Variants in RBFOX3 observed in about 807,000 individuals in gnomAD.
The protein encoded by RBFOX3 is RNA binding fox-1 homolog 3.
Under a neutral mutation model 48.7 loss-of-function variants are expected in RBFOX3, and 17 were observed. That is an observed-to-expected ratio of 0.35 (90% confidence interval 0.24 to 0.52). The LOEUF (loss-of-function observed/expected upper bound fraction) is 0.52, where lower values mean the gene tolerates loss of function less well. Among genes scored for constraint, RBFOX3 ranks in the 20% least tolerant of loss-of-function variants. RBFOX3 has a pLI of 0.94. For synonymous variants in RBFOX3, 212 were observed against 209.5 expected, an observed-to-expected ratio of 1.01 and a Z score of -0.10; for missense variants, 382 against 497.5, an observed-to-expected ratio of 0.77 and a Z score of 2.21.
In RBFOX3 at chr17:79,249,934, C is replaced by G. The variant is rs894598958; in HGVS notation, c.-73-14129G>C. On this transcript the variant is annotated intron_variant, in intron 3 of 14. Transcript: ENST00000693108. This position sits in a 1 kb window ranked among gnomAD's most constrained non-coding sequence, Gnocchi z 4.1. ...ATCCCCACCAGCCTCACCATCCTAG[C>G]TGCACCTGCCGGCATCCCTGGCATC... 3.3e-5 allele frequency among the ~76,000 whole-genome samples: 5 copies of G among 152,224 alleles called. No individual in the cohort carries two copies. Among genetic ancestry groups the G allele is most frequent in the Non-Finnish European group, 5.9e-5 (4 of 68,034 alleles).
In RBFOX3 at chr17:79,392,799, G is replaced by A. The variant is rs947732822; in HGVS notation, c.-174-84975C>T. On this transcript the variant is annotated intron_variant, in intron 2 of 14. Coordinates refer to ENST00000693108, the MANE Select transcript of RBFOX3 (RefSeq NM_001350451.2). This position sits in a 1 kb window ranked among gnomAD's most constrained non-coding sequence, Gnocchi z 5.0. Reference sequence around the variant, plus strand: ...CAACCCGCAATTGCTACAGATCTCTGATGTGGGGTTGTTTGTTACTGAGCA... The same window carrying A: ...CAACCCGCAATTGCTACAGATCTCTAATGTGGGGTTGTTTGTTACTGAGCA... Among the ~76,000 whole-genome samples the A allele has an allele frequency of 3.3e-5, 5 of 152,222 alleles. No individual in the cohort carries two copies. The highest frequency in any genetic ancestry group is 1.2e-4 in the African/African-American group (5 of 41,458).
chr17:79,502,094 T>TATA, intron 1 of RBFOX3, among the ~76,000 whole-genome samples: 1 of 151,844 alleles, frequency 6.6e-6, no homozygotes, highest in Non-Finnish European at 1.5e-5. Context: ...TGAGCCTTGA[T>TATA]ATAAGCCTCA....
chr17:79,094,566 TGGGGGAGG>T, intron 13 of RBFOX3, 37 bp from the exon 14 acceptor site: 1 of 20,246 alleles, frequency 4.9e-5, no homozygotes, highest in South Asian at 7.6e-4. Context: ...GGGAGGAGGG[TGGGGGAGG>T]GGGGCAGGTG....
At position 79,097,303 on chromosome 17, in the gene RBFOX3, C is replaced by T. The variant is rs1376131384; in HGVS notation, c.744G>A (p.Pro248=). 2 of 1,542,746 alleles carry T rather than the reference C, an allele frequency of 1.3e-6. No individual in the cohort carries two copies. Among genetic ancestry groups the T allele is most frequent in the Admixed American group, 2.0e-5 (1 of 50,452 alleles). ...GCCCAGGTACTCACGCTCCGTAAGT[C>T]GGGATGGGGGGTGGGGGTGGCGCAG... The part of the protein sequence containing the change: ...FRAAPPPPPI[P]TYGAALEQTL... The change falls in exon 11 of 15, where the codon CCG becomes CCA. Residue 248 remains proline (P), a synonymous_variant. Coordinates refer to ENST00000693108, the MANE Select transcript of RBFOX3 (RefSeq NM_001350451.2).
rs2056119857 is a variant in RBFOX3 at position 79,198,391 on chromosome 17, A to C, written c.-34+37375T>G. Among the ~76,000 whole-genome samples, 1 of 152,172 alleles carries C rather than the reference A, an allele frequency of 6.6e-6. No individual in the cohort carries two copies. Among genetic ancestry groups the C allele is most frequent in the South Asian group, 2.1e-4 (1 of 4,826 alleles). ...TGTCTTTCCAGCTCTCACGGGACTC[A>C]GTGCTAAGGTGACAGTGGAACGCTG... On this transcript the variant is annotated intron_variant, in intron 4 of 14. Transcript: ENST00000693108. This position sits in a 1 kb window ranked among gnomAD's most constrained non-coding sequence, Gnocchi z 8.2.
At chr17:79,469,824 G>A (rs887859519) in intron 2 of RBFOX3, among the ~76,000 whole-genome samples, 107 of 152,328 alleles carry the variant, frequency 7.0e-4, no homozygotes, top group Admixed American at 1.4e-3. Context: ...GGGAGAGCTC[G>A]CATGGGGGAG....
chr17:79,463,126 C>T (rs1375528514), intron 2 of RBFOX3, among the ~76,000 whole-genome samples: 2 of 150,978 alleles, frequency 1.3e-5, no homozygotes, highest in Non-Finnish European at 3.0e-5. Context: ...CTGCCATCGC[C>T]ACCGCCACTG....
At chr17:79,475,224 C>T (rs909748706) in intron 2 of RBFOX3, among the ~76,000 whole-genome samples, 4 of 152,258 alleles carry the variant, frequency 2.6e-5, no homozygotes, top group East Asian at 1.9e-4. Context: ...GGTCTGTGGA[C>T]GGCCTTCTGA....
At chr17:79,365,955 G>A (rs986941379) in intron 2 of RBFOX3, among the ~76,000 whole-genome samples, 13 of 152,220 alleles carry the variant, frequency 8.5e-5, no homozygotes, top group African/African-American at 3.1e-4. Context: ...CGCCATCAGC[G>A]TCATGACCAC....
chr17:79,290,481 T>C (rs764914486), intron 3 of RBFOX3, among the ~76,000 whole-genome samples: 2 of 151,990 alleles, frequency 1.3e-5, no homozygotes, highest in Non-Finnish European at 1.5e-5. Flanking sequence ...ACAGCCTATG[T>C]GTGGCTCTTC....
chr17:79,433,864 G>T (rs2068917295), intron 2 of RBFOX3, among the ~76,000 whole-genome samples: 1 of 152,234 alleles, frequency 6.6e-6, no homozygotes, highest in Non-Finnish European at 1.5e-5. Context: ...GGTCGCAAAA[G>T]TTTCATCGGT....
chr17:79,589,140 G>A (rs2093345058), intron 1 of RBFOX3, among the ~76,000 whole-genome samples: 2 of 152,336 alleles, frequency 1.3e-5, no homozygotes, highest in South Asian at 4.1e-4. Flanking sequence ...CTGGGAGGGG[G>A]CATTAGAGCT....
In RBFOX3 at chr17:79,337,122, A is replaced by G. The variant is rs560336254; in HGVS notation, c.-174-29298T>C. Among the ~76,000 whole-genome samples, 94 of 152,258 alleles carry G rather than the reference A, an allele frequency of 6.2e-4. 1 individual carries two copies. The highest frequency in any genetic ancestry group is 2.2e-3 in the African/African-American group (91 of 41,554). On this transcript the variant is annotated intron_variant, in intron 2 of 14. Transcript: ENST00000693108. ...AACAGAGAGAGACTCCATCTCAAAA[A>G]ATAAAAAAGGTGAGTGCTCTTATTT...
chr17:79,453,509 C>T (rs2073935747), intron 2 of RBFOX3, among the ~76,000 whole-genome samples: 1 of 152,196 alleles, frequency 6.6e-6, no homozygotes, highest in Admixed American at 6.5e-5. Context: ...GCAGGGATGT[C>T]ACCCAGAGTC....
intron 2 of RBFOX3, among the ~76,000 whole-genome samples, chr17:79,308,868 C>T (rs540965572): frequency 6.6e-6 from 1 of 152,150 alleles, no homozygotes; most frequent in East Asian, 1.9e-4. Context: ...CCTGTAATCC[C>T]AGCACTTTGG....
intron 1 of RBFOX3, among the ~76,000 whole-genome samples, chr17:79,582,344 A>ATG (rs1186117054): frequency 2.6e-5 from 4 of 151,846 alleles, no homozygotes; most frequent in Admixed American, 1.3e-4. Context: ...CCCTACATGT[A>ATG]TGTGTGTGTG....
At position 79,367,218 on chromosome 17, in the gene RBFOX3, CTCTCCCTCCTCCCCTCCCCT is replaced by C. The variant is rs562175765; in HGVS notation, c.-174-59414_-174-59395del. 1.6e-4 allele frequency among the ~76,000 whole-genome samples: 24 copies of C among 151,146 alleles called. No individual in the cohort carries two copies. In the South Asian group the frequency reaches 4.7e-3, roughly 29 times the overall value. On this transcript the variant is annotated intron_variant, in intron 2 of 14. Transcript: ENST00000693108. ...CTTCCTTCTCCTCGAAGTCCTCCTC[CTCTCCCTCCTCCCCTCCCCT>C]TCTCCCTCCTCCCCTCCTCCTTTTC...
intron 2 of RBFOX3, among the ~76,000 whole-genome samples, chr17:79,369,245 T>C (rs1240111391): frequency 1.3e-5 from 2 of 152,048 alleles, no homozygotes; most frequent in Non-Finnish European, 2.9e-5. Context: ...GCCAACACCA[T>C]CTTCCCACCT....
chr17:79,407,047 T>C (rs184629527), intron 2 of RBFOX3, among the ~76,000 whole-genome samples: 1 of 152,354 alleles, frequency 6.6e-6, no homozygotes, highest in Non-Finnish European at 1.5e-5. Flanking sequence ...TTCGCTCTTG[T>C]CGCCCAGGCT....
Sources: gnomAD v4.1 joint callset for allele counts (sites outside exome capture counted in the v4.1 genomes callset) on GRCh38, gnomAD v4.1.1 for gene constraint, Gnocchi (gnomAD v3.1) non-coding constraint, MANE v1.5 for transcripts, NCBI Gene and HGNC (gene_info 2026-07-23, HGNC 2026-07-21) for gene names.